Variants in NYAP1 observed in about 807,000 individuals in gnomAD.
NYAP1 encodes neuronal tyrosine phosphorylated phosphoinositide-3-kinase adaptor 1.
Under a neutral mutation model 58.6 loss-of-function variants are expected in NYAP1, and 20 were observed. The ratio of observed to expected loss-of-function variants is 0.34; its 90% CI spans 0.24 to 0.50. NYAP1 has a LOEUF of 0.50. Among genes scored for constraint, NYAP1 ranks in the 20% least tolerant of loss-of-function variants. The probability of loss-of-function intolerance (pLI) is 0.98; values close to 1 mark genes in which losing one functional copy is unlikely to be tolerated. For synonymous variants in NYAP1, 572 were observed against 523.1 expected (o/e 1.09, Z -1.27); for missense variants, 1,150 against 1,194.5 (o/e 0.96, Z 0.55).
rs773198474 is a variant in NYAP1, at chr7:100,493,633, G to A, written c.2269-13G>A. ...TTACCCGCGTTTTCCTTTCTCCCCC[G>A]CCCGCGGCACAGCCCCACCCCGCGC... On this transcript the variant is annotated splice_polypyrimidine_tract_variant and intron_variant, in intron 6 of 6. Transcript: ENST00000300179. The A allele has an allele frequency of 2.8e-5, 44 of 1,558,102 alleles. No homozygotes were observed. Among genetic ancestry groups the A allele is most frequent in the Non-Finnish European group, 3.4e-5 (40 of 1,160,638 alleles).
chr7:100,488,850 G>A lies in NYAP1; in HGVS notation c.1129G>A (p.Ala377Thr), dbSNP rs748002884. 3 of 1,597,686 alleles carry A rather than the reference G, an allele frequency of 1.9e-6. No individual in the cohort carries two copies. Among genetic ancestry groups the A allele is most frequent in the African/African-American group, 1.3e-5 (1 of 74,250 alleles). ...AGSTPAPQVP[A>T]RERETPPPPP... Reference sequence around the variant, plus strand: ...CTCCACCCCAGCTCCCCAAGTGCCTGCACGGGAGCGGGAGACGCCTCCCCC... The same window carrying A: ...CTCCACCCCAGCTCCCCAAGTGCCTACACGGGAGCGGGAGACGCCTCCCCC... Residue 377 changes from alanine to threonine, a missense_variant, in exon 4 of 7, where the codon GCA becomes ACA. By Grantham distance (58) the Ala-to-Thr change is moderately conservative. Coordinates refer to ENST00000300179, the MANE Select transcript of NYAP1 (RefSeq NM_173564.4). This position sits in a 1 kb window ranked among gnomAD's most constrained non-coding sequence, Gnocchi z 5.9.
rs879308330 is a variant in NYAP1 at position 100,488,928 on chromosome 7, G to A, written c.1207G>A (p.Ala403Thr). The A allele has an allele frequency of 3.2e-5, 50 of 1,576,720 alleles. No individual in the cohort carries two copies. Among genetic ancestry groups the A allele is most frequent in the African/African-American group, 4.1e-5 (3 of 73,624 alleles). The change falls in exon 4 of 7, where the codon GCC becomes ACC. Residue 403 changes from alanine (A) to threonine (T), a missense_variant. Transcript: ENST00000300179. The surrounding 1 kb of genome is among the most constrained non-coding windows in gnomAD (Gnocchi z 5.9). ...GCTGCTGCTGGGACCATCGGGCCGG[G>A]CCCGGAGCCACTCGACACCGTTGCC... ...NLLLLGPSGR[A>T]RSHSTPLPPQ...
At position 100,485,215 on chromosome 7, in the gene NYAP1, C is replaced by G; in HGVS notation, c.-84-13C>G. The G allele has an allele frequency of 1.5e-6, 1 of 651,578 alleles. No individual in the cohort carries two copies. The highest frequency in any genetic ancestry group is 2.8e-6 in the Non-Finnish European group (1 of 363,104). 40.4% of individuals were successfully genotyped at this position (651,578 alleles called of 1,614,324 possible). A position where few individuals can be genotyped will look rare whatever the true frequency, so the allele number is the denominator to read the frequency against. ...TTTCTTTTTTTTCCGTTCTCACCCA[C>G]CCCGCCCGCCAGTGGATCCGGGACC... is the stretch of plus-strand genomic sequence containing the variant. On this transcript the variant is annotated splice_polypyrimidine_tract_variant and intron_variant, in intron 1 of 6. Transcript: ENST00000300179. The surrounding 1 kb of genome is among the most constrained non-coding windows in gnomAD (Gnocchi z 5.7).
Position 100,487,040 on chromosome 7 carries a change from T to C in NYAP1, c.288T>C (p.Gly96=), listed in dbSNP as rs771662543. ...TGGGCAGCATGGACAGTGTCGGGGG[T>C]GGCCCTGGCGGGGCCAGTGGGGGCC... ...HSVGSMDSVG[G]GPGGASGGLT... Residue 96 remains glycine (G), a synonymous_variant, in exon 3 of 7, where the codon GGT becomes GGC. Coordinates refer to ENST00000300179, the MANE Select transcript of NYAP1 (RefSeq NM_173564.4). This position sits in a 1 kb window ranked among gnomAD's most constrained non-coding sequence, Gnocchi z 4.1. The C allele has an allele frequency of 1.2e-6, 2 of 1,602,502 alleles. No individual in the cohort carries two copies. The highest frequency in any genetic ancestry group is 1.7e-6 in the Non-Finnish European group (2 of 1,174,718).
Position 100,490,440 on chromosome 7 carries a change from C to CATG in NYAP1, c.1946-77_1946-76insATG. 7.2e-7 allele frequency: 1 copy of CATG among 1,381,508 alleles called. No homozygotes were observed. The highest frequency in any genetic ancestry group is 1.0e-6 in the Non-Finnish European group (1 of 992,718). 85.6% of individuals were successfully genotyped at this position (1,381,508 alleles called of 1,614,324 possible). A position where few individuals can be genotyped will look rare whatever the true frequency, so the allele number is the denominator to read the frequency against. ...AATTGTGTCTCCTGGTCCACCCATACTGCAGCATGTGTGGCCAGAGGGACA... is the reference window on the plus strand; with the variant it reads ...AATTGTGTCTCCTGGTCCACCCATACATGTGCAGCATGTGTGGCCAGAGGGACA... On this transcript the variant is annotated intron_variant, in intron 4 of 6. Coordinates refer to ENST00000300179, the MANE Select transcript of NYAP1 (RefSeq NM_173564.4). This position sits in a 1 kb window ranked among gnomAD's most constrained non-coding sequence, Gnocchi z 4.6.
In NYAP1 at chr7:100,486,203, T is replaced by A. The variant is rs903255022; in HGVS notation, c.69-618T>A. The stretch of plus-strand genomic sequence containing the variant: ...TCCCTGCCAGCCGCCCCCCCAACCC[T>A]CTGCCACCCTCCACTCAGACAGAAG... On this transcript the variant is annotated intron_variant, in intron 2 of 6. Coordinates refer to ENST00000300179, the MANE Select transcript of NYAP1 (RefSeq NM_173564.4). The surrounding 1 kb of genome is among the most constrained non-coding windows in gnomAD (Gnocchi z 6.2). 1.3e-5 allele frequency among the ~76,000 whole-genome samples: 2 copies of A among 151,684 alleles called. No homozygotes were observed. Among genetic ancestry groups the A allele is most frequent in the Non-Finnish European group, 2.9e-5 (2 of 67,908 alleles).
chr7:100,494,746 CTTT>C lies in NYAP1; in HGVS notation c.*849_*851del, dbSNP rs940056388. 6.9e-6 allele frequency: 1 copy of C among 144,488 alleles called. No individual in the cohort carries two copies. Among genetic ancestry groups the C allele is most frequent in the African/African-American group, 2.6e-5 (1 of 38,208 alleles). The allele number at this position is 144,488 out of a possible 1,614,324, so 9.0% of individuals were successfully genotyped here. On this transcript the variant is annotated 3_prime_UTR_variant, in exon 7 of 7. Transcript: ENST00000300179. Reference sequence around the variant, plus strand: ...AACAAAACAGAAGAGATGTCAGGAACTTTTTTTTAATTCCTTTCTTTTCAGAAT... The same window carrying C: ...AACAAAACAGAAGAGATGTCAGGAACTTTTTAATTCCTTTCTTTTCAGAAT...
At position 100,485,209 on chromosome 7, in the gene NYAP1, C is replaced by A; in HGVS notation, c.-84-19C>A. 6.3e-6 allele frequency: 4 copies of A among 630,628 alleles called. No homozygotes were observed. Among genetic ancestry groups the A allele is most frequent in the Non-Finnish European group, 8.6e-6 (3 of 349,558 alleles). The allele number at this position is 630,628 out of a possible 1,614,324, so 39.1% of individuals were successfully genotyped here. ...CCCACCTTTCTTTTTTTTCCGTTCT[C>A]ACCCACCCCGCCCGCCAGTGGATCC... On this transcript the variant is annotated intron_variant, in intron 1 of 6. Transcript: ENST00000300179. This position sits in a 1 kb window ranked among gnomAD's most constrained non-coding sequence, Gnocchi z 5.7.
intron 1 of NYAP1, among the ~76,000 whole-genome samples, chr7:100,484,988 G>A (rs1415949587): frequency 6.6e-6 from 1 of 152,116 alleles, no homozygotes; most frequent in East Asian, 1.9e-4. Context: ...CTTTACACAA[G>A]AAGGGAATCT....
At position 100,488,431 on chromosome 7, in the gene NYAP1, C is replaced by G. The variant is rs374709122; in HGVS notation, c.710C>G (p.Pro237Arg). ...CGAAGTGGAGGAGGCCTGGCTGGGCCCCCTCTTGGGGGTGGGGGCCCGACC... is the reference window on the plus strand; with the variant it reads ...CGAAGTGGAGGAGGCCTGGCTGGGCGCCCTCTTGGGGGTGGGGGCCCGACC... ...GGRSGGGLAG[P>R]PLGGGGPTPP... is the part of the protein sequence containing the mutation. The change falls in exon 4 of 7, where the codon CCC (proline) becomes CGC (arginine). Residue 237 changes from proline (P) to arginine (R), a missense_variant. Physicochemically the swap from Pro to Arg is moderately radical, Grantham distance 103. Transcript: ENST00000300179. The surrounding 1 kb of genome is among the most constrained non-coding windows in gnomAD (Gnocchi z 5.9). 1.1e-4 allele frequency: 184 copies of G among 1,601,416 alleles called. No individual in the cohort carries two copies. Among genetic ancestry groups the G allele is most frequent in the African/African-American group, 4.0e-5 (3 of 74,344 alleles).
At position 100,489,021 on chromosome 7, in the gene NYAP1, A is replaced by C; in HGVS notation, c.1300A>C (p.Lys434Gln). ...CAACTCCCACAGCATGATCTGCCCT[A>C]AGGCGGCGGGGGCGCCGGCAGCCCC... ...LPNSHSMICP[K>Q]AAGAPAAPPA... Residue 434 changes from lysine (K) to glutamine (Q), a missense_variant, in exon 4 of 7, where the codon AAG (lysine) becomes CAG (glutamine). Coordinates refer to ENST00000300179, the MANE Select transcript of NYAP1 (RefSeq NM_173564.4). 6.4e-6 allele frequency: 10 copies of C among 1,559,052 alleles called. No individual in the cohort carries two copies. Among genetic ancestry groups the C allele is most frequent in the Non-Finnish European group, 8.6e-6 (10 of 1,158,134 alleles).
In NYAP1 at chr7:100,486,811, C is replaced by T. The variant is rs1039438068; in HGVS notation, c.69-10C>T. ...CCTTCCTCCACTCCATCGTGGCCTTCTCTCCCCAGCTCCAGTAAGGAGGTG... is the reference window on the plus strand; with the variant it reads ...CCTTCCTCCACTCCATCGTGGCCTTTTCTCCCCAGCTCCAGTAAGGAGGTG... On this transcript the variant is annotated splice_polypyrimidine_tract_variant and intron_variant, in intron 2 of 6. Coordinates refer to ENST00000300179, the MANE Select transcript of NYAP1 (RefSeq NM_173564.4). This position sits in a 1 kb window ranked among gnomAD's most constrained non-coding sequence, Gnocchi z 6.2. 6.8e-7 allele frequency: 1 copy of T among 1,469,594 alleles called. No individual in the cohort carries two copies. Among genetic ancestry groups the T allele is most frequent in the African/African-American group, 1.4e-5 (1 of 70,144 alleles). 91.0% of individuals were successfully genotyped at this position (1,469,594 alleles called of 1,614,324 possible). A position where few individuals can be genotyped will look rare whatever the true frequency, so the allele number is the denominator to read the frequency against.
At position 100,487,072 on chromosome 7, in the gene NYAP1, A is replaced by T. The variant is rs764706081; in HGVS notation, c.320A>T (p.Glu107Val). 3.1e-6 allele frequency: 5 copies of T among 1,597,100 alleles called. No individual in the cohort carries two copies. In the Admixed American group the frequency reaches 5.2e-5, roughly 17 times the overall value. ...GPGGASGGLT[E>V]DSSTRRPPAK... ...GGCGGGGCCAGTGGGGGCCTCACAGAGGACAGCAGCACCCGAAGACCCCCT... is the reference window on the plus strand; with the variant it reads ...GGCGGGGCCAGTGGGGGCCTCACAGTGGACAGCAGCACCCGAAGACCCCCT... Residue 107 changes from glutamate (E) to valine (V), a missense_variant, in exon 3 of 7, where the codon GAG becomes GTG. Transcript: ENST00000300179. This position sits in a 1 kb window ranked among gnomAD's most constrained non-coding sequence, Gnocchi z 4.1.
rs751534337 is a variant in NYAP1, at chr7:100,485,356, C to G, written c.45C>G (p.His15Gln). 6.2e-7 allele frequency: 1 copy of G among 1,603,856 alleles called. No individual in the cohort carries two copies. The highest frequency in any genetic ancestry group is 2.2e-5 in the East Asian group (1 of 44,622). Reference protein sequence around the residue: ...YRKTKLEWRQHKEEEAKRSSS... With the variant: ...YRKTKLEWRQQKEEEAKRSSS... ...AAACCAAGCTGGAGTGGAGGCAGCA[C>G]AAGGAAGAGGAGGCCAAGAGGAGGT... The change falls in exon 2 of 7, where the codon CAC (histidine) becomes CAG (glutamine). Residue 15 changes from histidine to glutamine, a missense_variant. His to Gln is a conservative substitution (Grantham distance 24). Transcript: ENST00000300179. The surrounding 1 kb of genome is among the most constrained non-coding windows in gnomAD (Gnocchi z 5.7).
chr7:100,485,967 C>T lies in NYAP1; in HGVS notation c.68+588C>T. Among the ~76,000 whole-genome samples, 1 of 152,310 alleles carries T rather than the reference C, an allele frequency of 6.6e-6. No individual in the cohort carries two copies. Among genetic ancestry groups the T allele is most frequent in the Admixed American group, 6.5e-5 (1 of 15,298 alleles). ...GGACCTGGGGCCTGGCCTCTCCCAT[C>T]CTTCTCTCCTTCTCCTCTTCTCTCC... On this transcript the variant is annotated intron_variant, in intron 2 of 6. Transcript: ENST00000300179. The surrounding 1 kb of genome is among the most constrained non-coding windows in gnomAD (Gnocchi z 5.7).
chr7:100,488,824 G>A lies in NYAP1; in HGVS notation c.1103G>A (p.Gly368Asp), dbSNP rs1192129907. 2 of 1,575,180 alleles carry A rather than the reference G, an allele frequency of 1.3e-6. No individual in the cohort carries two copies. Among genetic ancestry groups the A allele is most frequent in the African/African-American group, 1.4e-5 (1 of 73,232 alleles). The change falls in exon 4 of 7, where the codon GGC becomes GAC. Residue 368 changes from glycine to aspartate, a missense_variant. Gly to Asp is a moderately conservative substitution (Grantham distance 94). Transcript: ENST00000300179. The surrounding 1 kb of genome is among the most constrained non-coding windows in gnomAD (Gnocchi z 5.9). ...CTCTGCCACTCCAAGGAGCCAGCCG[G>A]CTCCACCCCAGCTCCCCAAGTGCCT... Reference protein sequence around the residue: ...PVLCHSKEPAGSTPAPQVPAR... With the variant: ...PVLCHSKEPADSTPAPQVPAR...
rs149935809 is a variant in NYAP1 at position 100,488,049 on chromosome 7, C to T, written c.431-103C>T. 5.2e-5 allele frequency: 40 copies of T among 768,252 alleles called. 1 individual carries two copies. The Middle Eastern group carries it at 8.0e-4, about 15-fold the overall frequency. The allele number at this position is 768,252 out of a possible 1,614,324, so 47.6% of individuals were successfully genotyped here. ...GAGGAATGTGGGGAAAAGGAAGAGG[C>T]AGATATGTCCTTGCAGAAGGGTCAA... On this transcript the variant is annotated intron_variant, in intron 3 of 6. Coordinates refer to ENST00000300179, the MANE Select transcript of NYAP1 (RefSeq NM_173564.4). The surrounding 1 kb of genome is among the most constrained non-coding windows in gnomAD (Gnocchi z 5.9).
Position 100,486,257 on chromosome 7 carries a change from G to A in NYAP1, c.69-564G>A, listed in dbSNP as rs1193246917. ...AGGGACAGTGGAATGGAATGGGGGT[G>A]AGCCGGGGAGGCTGACAGAGAGAGA... is the stretch of plus-strand genomic sequence containing the variant. On this transcript the variant is annotated intron_variant, in intron 2 of 6. Transcript: ENST00000300179. The surrounding 1 kb of genome is among the most constrained non-coding windows in gnomAD (Gnocchi z 6.2). 6.6e-6 allele frequency among the ~76,000 whole-genome samples: 1 copy of A among 152,112 alleles called. No individual in the cohort carries two copies. Among genetic ancestry groups the A allele is most frequent in the East Asian group, 1.9e-4 (1 of 5,182 alleles).
In NYAP1 at chr7:100,490,626, G is replaced by A; in HGVS notation, c.2055G>A (p.Gly685=). Residue 685 remains glycine, a synonymous_variant, in exon 5 of 7, where the codon GGG becomes GGA. Coordinates refer to ENST00000300179, the MANE Select transcript of NYAP1 (RefSeq NM_173564.4). The surrounding 1 kb of genome is among the most constrained non-coding windows in gnomAD (Gnocchi z 4.6). ...CGGGGATCCCAGTGAGAAGCCAGGGGGCAGAGGGACTGCTGGCCAGGATCC... is the reference window on the plus strand; with the variant it reads ...CGGGGATCCCAGTGAGAAGCCAGGGAGCAGAGGGACTGCTGGCCAGGATCC... ...GTSGIPVRSQ[G]AEGLLARIHH... 6.4e-7 allele frequency: 1 copy of A among 1,573,348 alleles called. No homozygotes were observed. Among genetic ancestry groups the A allele is most frequent in the Non-Finnish European group, 8.6e-7 (1 of 1,159,648 alleles).
Sources: gnomAD v4.1 joint callset for allele counts (sites outside exome capture counted in the v4.1 genomes callset) on GRCh38, gnomAD v4.1.1 for gene constraint, Gnocchi (gnomAD v3.1) non-coding constraint, MANE v1.5 for transcripts, NCBI Gene and HGNC (gene_info 2026-07-23, HGNC 2026-07-21) for gene names.